Variants in ZSWIM5 observed in about 807,000 individuals in gnomAD.
ZSWIM5 encodes zinc finger SWIM-type containing 5.
In ZSWIM5, 55 loss-of-function variants were observed where a neutral mutation model predicts 119.6. The observed-to-expected ratio is 0.46, with a 90% CI of 0.37 to 0.58. The LOEUF is 0.58. ZSWIM5 is among the 20% of genes least tolerant of loss of function. The pLI, the probability that ZSWIM5 is intolerant of heterozygous loss-of-function variation, is 0.00. For missense variants in ZSWIM5, 1,193 were observed against 1,512.8 expected (o/e 0.79, Z 3.51); for synonymous variants, 537 against 606.9 (o/e 0.88, Z 1.69).
At chr1:45,091,286 C>G (rs1412721995) in intron 1 of ZSWIM5, among the ~76,000 whole-genome samples, 2 of 152,034 alleles carry the variant, frequency 1.3e-5, no homozygotes, top group African/African-American at 4.8e-5. Flanking sequence ...TGACTTGAAT[C>G]CTGATACAAA....
At chr1:45,131,724 C>CAAAAAAAAAAAAAAAAAAAAAAAAAAA (rs11336099) in intron 1 of ZSWIM5, among the ~76,000 whole-genome samples, 1 of 74,224 alleles carries the variant, frequency 1.3e-5, no homozygotes, top group African/African-American at 4.8e-5. Flanking sequence ...GACTCTGTCT[C>CAAAAAAAAAAAAAAAAAAAAAAAAAAA]AAAAAAAAAA....
intron 1 of ZSWIM5, among the ~76,000 whole-genome samples, chr1:45,093,105 C>A (rs1645377921): frequency 6.6e-6 from 1 of 152,212 alleles, no homozygotes; most frequent in African/African-American, 2.4e-5. Context: ...AGCCAGGATT[C>A]ACACCCAGGC....
At chr1:45,092,038 T>C (rs1645368492) in intron 1 of ZSWIM5, among the ~76,000 whole-genome samples, 1 of 152,210 alleles carries the variant, frequency 6.6e-6, no homozygotes, top group South Asian at 2.1e-4. Flanking sequence ...CTCCATGGTT[T>C]AATCCTGTGC....
At chr1:45,050,528 G>A (rs1432556084) in intron 5 of ZSWIM5, among the ~76,000 whole-genome samples, 1 of 152,288 alleles carries the variant, frequency 6.6e-6, no homozygotes, top group South Asian at 2.1e-4. Flanking sequence ...CTGTAGGCGA[G>A]TGGGCTCAAA....
intron 5 of ZSWIM5, among the ~76,000 whole-genome samples, chr1:45,044,794 TATATATATAA>T (rs1557746567): frequency 0.017 from 100 of 6,050 alleles, 37 homozygotes; most frequent in East Asian, 0.06. Flanking sequence ...TATATAAATA[TATATATATAA>T]ATATATATAT....
intron 5 of ZSWIM5, among the ~76,000 whole-genome samples, chr1:45,048,982 T>G (rs879887307): frequency 2.0e-5 from 3 of 151,900 alleles, no homozygotes; most frequent in Non-Finnish European, 4.4e-5. Flanking sequence ...CAAAAAATAT[T>G]TGGCTGTGAG....
At chr1:45,058,362 C>A (rs983792016) in intron 4 of ZSWIM5, among the ~76,000 whole-genome samples, 1 of 152,170 alleles carries the variant, frequency 6.6e-6, no homozygotes, top group African/African-American at 2.4e-5. Context: ...AAGAGGTTTT[C>A]TCTCAACAAA....
intron 1 of ZSWIM5, among the ~76,000 whole-genome samples, chr1:45,162,702 C>T (rs191268857): frequency 1.4e-3 from 220 of 151,752 alleles, no homozygotes; most frequent in Admixed American, 4.0e-3. Flanking sequence ...GGTTCCACGC[C>T]CACGGAGCCT....
chr1:45,167,022 C>T (rs1049040927), intron 1 of ZSWIM5, among the ~76,000 whole-genome samples: 3 of 152,130 alleles, frequency 2.0e-5, no homozygotes, highest in Non-Finnish European at 4.4e-5. Context: ...CAAGTCAATC[C>T]TAAGCCAAAA....
intron 1 of ZSWIM5, among the ~76,000 whole-genome samples, chr1:45,166,607 C>A (rs958099200): frequency 9.9e-5 from 15 of 151,970 alleles, no homozygotes; most frequent in African/African-American, 2.4e-4. Flanking sequence ...TAAGCTGATA[C>A]GCAACTTCAG....
At chr1:45,156,740 A>C (rs1450766164) in intron 1 of ZSWIM5, among the ~76,000 whole-genome samples, 1 of 150,668 alleles carries the variant, frequency 6.6e-6, no homozygotes, top group African/African-American at 2.5e-5. Context: ...AAAAAAAAAG[A>C]ACACACTGCA....
At chr1:45,076,264 T>C (rs552291896) in intron 2 of ZSWIM5, among the ~76,000 whole-genome samples, 1 of 152,336 alleles carries the variant, frequency 6.6e-6, no homozygotes, top group East Asian at 1.9e-4. Context: ...TTTATACTGA[T>C]AGAAGTACTC....
At chr1:45,136,464 T>A (rs958214144) in intron 1 of ZSWIM5, among the ~76,000 whole-genome samples, 3 of 152,148 alleles carry the variant, frequency 2.0e-5, no homozygotes, top group African/African-American at 4.8e-5. Context: ...ACTACAGACA[T>A]GGAAGGTCTT....
intron 1 of ZSWIM5, among the ~76,000 whole-genome samples, chr1:45,196,034 G>GTTGTTTTTTT (rs1646120252): frequency 2.9e-5 from 3 of 103,910 alleles, no homozygotes; most frequent in Non-Finnish European, 5.9e-5. Context: ...CACCCAGCTA[G>GTTGTTTTTTT]TTTTTTTTTT....
At chr1:45,027,213 T>C (rs181161097) in intron 11 of ZSWIM5, among the ~76,000 whole-genome samples, 1 of 152,034 alleles carries the variant, frequency 6.6e-6, no homozygotes, top group African/African-American at 2.4e-5. Flanking sequence ...TCAATTTCAC[T>C]GATTTCTGCT....
chr1:45,044,810 T>TATATATAAATATATATATATATAA (rs1208024064), intron 5 of ZSWIM5, among the ~76,000 whole-genome samples: 30 of 10,928 alleles, frequency 2.7e-3, no homozygotes, highest in Non-Finnish European at 3.5e-3. Flanking sequence ...TATAAATATA[T>TATATATAAATATATATATATATAA]ATATATATAT....
intron 1 of ZSWIM5, among the ~76,000 whole-genome samples, chr1:45,177,251 T>A (rs1327605802): frequency 6.6e-6 from 1 of 151,760 alleles, no homozygotes; most frequent in Non-Finnish European, 1.5e-5. Flanking sequence ...AAGAAAAAAA[T>A]TTCTTAAATG....
intron 1 of ZSWIM5, among the ~76,000 whole-genome samples, chr1:45,121,979 T>C (rs1477079036): frequency 6.6e-6 from 1 of 152,222 alleles, no homozygotes; most frequent in Non-Finnish European, 1.5e-5. Flanking sequence ...TCAAATCTCA[T>C]GAACTCCAAA....
chr1:45,144,014 G>A (rs1645745999), intron 1 of ZSWIM5, among the ~76,000 whole-genome samples: 1 of 151,968 alleles, frequency 6.6e-6, no homozygotes. Flanking sequence ...TAAATAGAGA[G>A]ATATACTGTG....
Sources: gnomAD v4.1 joint callset for allele counts (sites outside exome capture counted in the v4.1 genomes callset) on GRCh38, gnomAD v4.1.1 for gene constraint, MANE v1.5 for transcripts, NCBI Gene and HGNC (gene_info 2026-07-23, HGNC 2026-07-21) for gene names.